The following TMTC1 variants were observed in gnomAD, a reference collection of about 807,000 sequenced individuals.
The protein encoded by TMTC1 is protein O-mannosyl-transferase TMTC1.
In TMTC1, 73 loss-of-function variants were observed where a neutral mutation model predicts 104.8. The observed-to-expected ratio is 0.70, with a 90% CI of 0.58 to 0.85. The LOEUF (loss-of-function observed/expected upper bound fraction) is 0.85. Among genes scored for constraint, TMTC1 ranks in the 40% least tolerant of loss-of-function variants. TMTC1 has a pLI of 0.00. For missense variants in TMTC1, 1,035 were observed against 1,096.1 expected (o/e 0.94, Z 0.79); for synonymous variants, 434 against 428.7 (o/e 1.01, Z -0.15).
Position 29,520,656 on chromosome 12 carries a change from T to C in TMTC1, c.1850A>G (p.Asp617Gly). 6.2e-7 allele frequency: 1 copy of C among 1,613,822 alleles called. No homozygotes were observed. The highest frequency in any genetic ancestry group is 8.5e-7 in the Non-Finnish European group (1 of 1,179,934). The change falls in exon 12 of 18, where the codon GAT becomes GGT. Residue 617 changes from aspartate (D) to glycine (G), a missense_variant. Coordinates refer to ENST00000539277, the MANE Select transcript of TMTC1 (RefSeq NM_001193451.2). The part of the protein sequence containing the change: ...TGIKNCPDSS[D>G]LHNNYGVFLV... ...GAAAACCCCATAGTTGTTGTGTAAA[T>C]CTGAGCTGTCTGGACAGTTCTTTAT...
intron 5 of TMTC1, among the ~76,000 whole-genome samples, chr12:29,647,492 G>A (rs1170975953): frequency 2.0e-5 from 3 of 152,040 alleles, no homozygotes. Flanking sequence ...ATAGCCCCAT[G>A]TTAGGGGCTA....
At chr12:29,581,741 C>T (rs908729015) in intron 8 of TMTC1, among the ~76,000 whole-genome samples, 7 of 151,990 alleles carry the variant, frequency 4.6e-5, no homozygotes, top group African/African-American at 1.2e-4. Flanking sequence ...TAAAGATGCT[C>T]GTAAAAGCTC....
At chr12:29,655,074 G>A (rs1427706636) in intron 5 of TMTC1, among the ~76,000 whole-genome samples, 1 of 152,022 alleles carries the variant, frequency 6.6e-6, no homozygotes, top group African/African-American at 2.4e-5. Flanking sequence ...AGTAGAGATG[G>A]GGTTTTACCA....
rs1187937363 is a variant in TMTC1 at position 29,755,859 on chromosome 12, C to T, written c.581G>A (p.Gly194Glu). 1.1e-5 allele frequency: 18 copies of T among 1,614,008 alleles called. No individual in the cohort carries two copies. Among genetic ancestry groups the T allele is most frequent in the African/African-American group, 2.7e-5 (2 of 74,924 alleles). Reference protein sequence around the residue: ...NRSLDQGCVGGSFPSTVSPFF... With the variant: ...NRSLDQGCVGESFPSTVSPFF... ...GGGAGACACCGTGGAAGGGAAACTTCCCCCAACACAGCCCTGATCCAGACT... is the reference window on the plus strand; with the variant it reads ...GGGAGACACCGTGGAAGGGAAACTTTCCCCAACACAGCCCTGATCCAGACT... The change falls in exon 4 of 18, where the codon GGA (glycine) becomes GAA (glutamate). Residue 194 changes from glycine (G) to glutamate (E), a missense_variant. Transcript: ENST00000539277.
At chr12:29,532,546 T>G (rs1319632796) in intron 11 of TMTC1, 1 of 152,104 alleles carries the variant, frequency 6.6e-6, no homozygotes, top group Non-Finnish European at 1.5e-5. Context: ...GAAGGTCATT[T>G]AGCACCATGA....
intron 11 of TMTC1, among the ~76,000 whole-genome samples, chr12:29,522,576 G>A (rs1944204729): frequency 6.7e-6 from 1 of 148,420 alleles, no homozygotes; most frequent in Non-Finnish European, 1.5e-5. Context: ...GTGTGTGTGT[G>A]TGTGTGTGTG....
intron 7 of TMTC1, among the ~76,000 whole-genome samples, chr12:29,597,278 T>G (rs1946435705): frequency 6.7e-6 from 1 of 150,194 alleles, no homozygotes; most frequent in South Asian, 2.1e-4. Flanking sequence ...TATCACTATA[T>G]TGCTCAGGCT....
chr12:29,676,746 C>T (rs1940740334), intron 5 of TMTC1, among the ~76,000 whole-genome samples: 1 of 152,184 alleles, frequency 6.6e-6, no homozygotes, highest in Non-Finnish European at 1.5e-5. Flanking sequence ...CACCAATTTT[C>T]TAACTAGCAC....
chr12:29,721,780 T>C (rs1487362492), intron 5 of TMTC1, among the ~76,000 whole-genome samples: 2 of 152,058 alleles, frequency 1.3e-5, no homozygotes, highest in Non-Finnish European at 2.9e-5. Flanking sequence ...AGCTTTTATG[T>C]ATATAGGTTA....
intron 17 of TMTC1, among the ~76,000 whole-genome samples, chr12:29,508,299 AATT>A (rs1943744438): frequency 6.6e-6 from 1 of 152,190 alleles, no homozygotes; most frequent in Admixed American, 6.6e-5. Context: ...TGCTATATTC[AATT>A]ATTATTTTTT....
chr12:29,747,287 A>G (rs1565810537), intron 5 of TMTC1, among the ~76,000 whole-genome samples: 1 of 152,178 alleles, frequency 6.6e-6, no homozygotes, highest in Non-Finnish European at 1.5e-5. Context: ...TACACACAAA[A>G]CATTTCTCAT....
At chr12:29,726,898 C>A (rs965731056) in intron 5 of TMTC1, among the ~76,000 whole-genome samples, 8 of 152,164 alleles carry the variant, frequency 5.3e-5, no homozygotes, top group African/African-American at 1.9e-4. Flanking sequence ...TTAAGTAGCA[C>A]TAGATGTAGT....
At chr12:29,638,517 A>C (rs1938672386) in intron 5 of TMTC1, among the ~76,000 whole-genome samples, 2 of 152,170 alleles carry the variant, frequency 1.3e-5, no homozygotes, top group Non-Finnish European at 2.9e-5. Context: ...CACTAGGGCA[A>C]GAACTCAGGA....
chr12:29,676,747 T>G (rs759889), intron 5 of TMTC1, among the ~76,000 whole-genome samples: 39,840 of 152,134 alleles, frequency 0.26, 5,806 homozygotes, highest in African/African-American at 0.37. Flanking sequence ...ACCAATTTTC[T>G]AACTAGCACT....
chr12:29,578,566 A>T (rs1417116857), intron 8 of TMTC1, among the ~76,000 whole-genome samples: 1 of 152,210 alleles, frequency 6.6e-6, no homozygotes, highest in African/African-American at 2.4e-5. Flanking sequence ...TACAACAGTG[A>T]TTATAAATAA....
chr12:29,608,279 G>A (rs1287078517), intron 6 of TMTC1, among the ~76,000 whole-genome samples: 3 of 152,144 alleles, frequency 2.0e-5, no homozygotes, highest in Non-Finnish European at 4.4e-5. Flanking sequence ...GACAAAATTG[G>A]CTAAATAATT....
chr12:29,559,872 C>G (rs142597654), intron 9 of TMTC1, among the ~76,000 whole-genome samples: 19 of 152,162 alleles, frequency 1.2e-4, no homozygotes, highest in African/African-American at 4.1e-4. Flanking sequence ...TGAAACCAAG[C>G]TGAATTTCAT....
At chr12:29,771,468 A>G (rs1230498038) in intron 1 of TMTC1, among the ~76,000 whole-genome samples, 1 of 152,180 alleles carries the variant, frequency 6.6e-6, no homozygotes, top group Non-Finnish European at 1.5e-5. Flanking sequence ...AATTTACACA[A>G]TCAGGTATTT....
At chr12:29,771,003 C>T (rs1592036686) in intron 1 of TMTC1, among the ~76,000 whole-genome samples, 1 of 152,190 alleles carries the variant, frequency 6.6e-6, no homozygotes, top group Middle Eastern at 3.4e-3. Flanking sequence ...AACAAGACAG[C>T]CTAAGATAGA....
Sources: allele counts gnomAD v4.1 joint callset (sites outside exome capture counted in the v4.1 genomes callset), GRCh38; gene constraint gnomAD v4.1.1; transcripts MANE v1.5; gene names NCBI Gene and HGNC (gene_info 2026-07-23, HGNC 2026-07-21).